The following SORBS2 variants were observed in gnomAD, a reference collection of about 807,000 sequenced individuals.
SORBS2 encodes the protein sorbin and SH3 domain containing 2.
SORBS2 carries 46 observed loss-of-function variants against 97.7 expected under a neutral mutation model. The observed-to-expected ratio is 0.47, with a 90% CI of 0.37 to 0.60. The LOEUF is 0.60. Ranked by LOEUF, SORBS2 falls within the 20% of genes least tolerant of loss-of-function variation. SORBS2 has a pLI of 0.00. For missense variants in SORBS2, 1,316 were observed against 1,282.3 expected (o/e 1.03, Z -0.40); for synonymous variants, 476 against 473.4 (o/e 1.01, Z -0.07).
intron 1 of SORBS2, among the ~76,000 whole-genome samples, chr4:185,838,595 A>G (rs1192587244): frequency 1.3e-5 from 2 of 152,192 alleles, no homozygotes; most frequent in African/African-American, 2.4e-5. Flanking sequence ...AAAGCTCTTG[A>G]GAAACTAAGG....
At position 185,906,026 on chromosome 4, in the gene SORBS2, A is replaced by G. The variant is rs1472165375; in HGVS notation, c.-338+50170T>C. The stretch of plus-strand genomic sequence containing the variant: ...GTGCTCAACTGGGGCAGGTCACACC[A>G]TGTGGTCCACTCCCATTTTTTTTTT... On this transcript the variant is annotated intron_variant, in intron 1 of 20. Coordinates refer to the SORBS2 transcript ENST00000284776. 4.6e-5 allele frequency among the ~76,000 whole-genome samples: 7 copies of G among 152,114 alleles called. No homozygotes were observed. The East Asian group carries it at 1.4e-3, about 29-fold the overall frequency.
intron 12 of SORBS2, among the ~76,000 whole-genome samples, chr4:185,595,753 G>A (rs1370975580): frequency 6.8e-6 from 1 of 146,160 alleles, no homozygotes; most frequent in Admixed American, 6.7e-5. Flanking sequence ...TTTGAAGTTA[G>A]AATTGGTCTA....
intron 13 of SORBS2, chr4:185,592,836 C>G (rs1321363093): frequency 6.6e-6 from 1 of 152,258 alleles, no homozygotes; most frequent in African/African-American, 2.4e-5. Flanking sequence ...GTGACTGCAC[C>G]TAACCTTCAG....
intron 2 of SORBS2, among the ~76,000 whole-genome samples, chr4:185,760,105 C>T (rs2098865045): frequency 6.6e-6 from 1 of 152,192 alleles, no homozygotes; most frequent in African/African-American, 2.4e-5. Flanking sequence ...TCTCGTTCTC[C>T]ATCCATGCTT....
chr4:185,856,994 G>A (rs561787215), intron 1 of SORBS2, among the ~76,000 whole-genome samples: 9 of 152,230 alleles, frequency 5.9e-5, no homozygotes, highest in African/African-American at 2.2e-4. Context: ...CTCCCACCAA[G>A]TCCCTTCCTC....
intron 4 of SORBS2, among the ~76,000 whole-genome samples, chr4:185,668,113 C>A (rs143321658): frequency 6.6e-6 from 1 of 152,274 alleles, no homozygotes; most frequent in East Asian, 1.9e-4. Context: ...AGACTTTTCC[C>A]TTTCAAATTA....
intron 4 of SORBS2, among the ~76,000 whole-genome samples, chr4:185,672,028 T>C (rs566912600): frequency 6.6e-6 from 1 of 151,908 alleles, no homozygotes; most frequent in Non-Finnish European, 1.5e-5. Flanking sequence ...GCCAAAGACC[T>C]GATCAACTAA....
intron 12 of SORBS2, among the ~76,000 whole-genome samples, chr4:185,605,364 C>T (rs191315685): frequency 3.9e-5 from 6 of 152,226 alleles, no homozygotes; most frequent in Non-Finnish European, 7.3e-5. Context: ...TTCACTGCAA[C>T]CTCCGCCTCC....
At chr4:185,678,215 A>G (rs2097823549) in intron 4 of SORBS2, among the ~76,000 whole-genome samples, 1 of 152,216 alleles carries the variant, frequency 6.6e-6, no homozygotes, top group South Asian at 2.1e-4. Flanking sequence ...GATAAGCTTA[A>G]TCAGAAACAA....
chr4:185,936,863 C>T (rs1368945715), intron 1 of SORBS2, among the ~76,000 whole-genome samples: 2 of 152,158 alleles, frequency 1.3e-5, no homozygotes, highest in African/African-American at 4.8e-5. Flanking sequence ...ATGCACGGCA[C>T]GGCACAGCAT....
At chr4:185,627,802 C>T (rs1041618949) in intron 5 of SORBS2, among the ~76,000 whole-genome samples, 13 of 152,172 alleles carry the variant, frequency 8.5e-5, no homozygotes, top group African/African-American at 3.1e-4. Flanking sequence ...ATAGTCTTCC[C>T]GCCATAAAAA....
intron 3 of SORBS2, among the ~76,000 whole-genome samples, chr4:185,648,693 T>C (rs1309178318): frequency 6.6e-6 from 1 of 152,190 alleles, no homozygotes; most frequent in Non-Finnish European, 1.5e-5. Context: ...TAATCAGAGC[T>C]GAGCTTGGAC....
intron 4 of SORBS2, among the ~76,000 whole-genome samples, chr4:185,664,885 A>AT (rs960090621): frequency 4.6e-5 from 7 of 152,060 alleles, no homozygotes; most frequent in East Asian, 1.9e-4. Flanking sequence ...AAAAAATCTG[A>AT]TTTTTTTGCC....
intron 1 of SORBS2, among the ~76,000 whole-genome samples, chr4:185,888,332 G>T (rs960806345): frequency 1.3e-5 from 2 of 152,090 alleles, no homozygotes; most frequent in Non-Finnish European, 2.9e-5. Context: ...GTGGTGGGGG[G>T]TTGGAGAGAG....
intron 1 of SORBS2, among the ~76,000 whole-genome samples, chr4:185,776,160 A>G (rs1023737530): frequency 6.6e-6 from 1 of 152,398 alleles, no homozygotes; most frequent in Admixed American, 6.5e-5. Context: ...AGAGCTTACT[A>G]TAAGCCAAGC....
intron 11 of SORBS2, among the ~76,000 whole-genome samples, chr4:185,614,319 G>C (rs1049392188): frequency 6.6e-6 from 1 of 151,428 alleles, no homozygotes; most frequent in African/African-American, 2.4e-5. Context: ...GAGAAATTTG[G>C]GTCAATTATG....
intron 7 of SORBS2, among the ~76,000 whole-genome samples, chr4:185,621,820 T>C (rs1308149441): frequency 6.6e-6 from 1 of 152,238 alleles, no homozygotes; most frequent in African/African-American, 2.4e-5. Flanking sequence ...TTCTGTTATC[T>C]ACTCTCTGTG....
chr4:185,847,762 T>C (rs974758416), intron 1 of SORBS2, among the ~76,000 whole-genome samples: 5 of 152,138 alleles, frequency 3.3e-5, no homozygotes, highest in Non-Finnish European at 5.9e-5. Flanking sequence ...CCTAGAGCCC[T>C]GGAATGAACT....
intron 2 of SORBS2, among the ~76,000 whole-genome samples, chr4:185,765,570 G>T (rs2098929808): frequency 6.6e-6 from 1 of 152,122 alleles, no homozygotes; most frequent in Non-Finnish European, 1.5e-5. Flanking sequence ...TTATCACTTT[G>T]ATTTCAGACA....
Sources: gnomAD v4.1 joint callset for allele counts (sites outside exome capture counted in the v4.1 genomes callset) on GRCh38, gnomAD v4.1.1 for gene constraint, MANE v1.5 for transcripts, NCBI Gene and HGNC (gene_info 2026-07-23, HGNC 2026-07-21) for gene names.